PRPSAP1: variants seen among roughly 807,000 people sequenced by gnomAD.
PRPSAP1 encodes the protein phosphoribosyl pyrophosphate synthase-associated protein 1.
In PRPSAP1, 31 loss-of-function variants were observed where a neutral mutation model predicts 39.4. That is an observed-to-expected ratio of 0.79 (90% CI 0.59 to 1.06). The LOEUF (loss-of-function observed/expected upper bound fraction) is 1.06, where lower values mean the gene tolerates loss of function less well. Ranked by LOEUF, PRPSAP1 falls within the 50% of genes least tolerant of loss-of-function variation. The pLI, the probability that PRPSAP1 is intolerant of heterozygous loss-of-function variation, is 0.00. For synonymous variants in PRPSAP1, 212 were observed against 192.6 expected, an observed-to-expected ratio of 1.10 and a Z score of -0.83; for missense variants, 430 against 511.6, an observed-to-expected ratio of 0.84 and a Z score of 1.54.
intron 7 of PRPSAP1, among the ~76,000 whole-genome samples, chr17:76,321,809 G>C (rs1341626326): frequency 1.3e-5 from 2 of 152,092 alleles, no homozygotes; most frequent in Admixed American, 6.6e-5. Flanking sequence ...CAAAGGAAAA[G>C]TTCATGAAGG....
At chr17:76,320,080 G>A (rs1048758274) in intron 7 of PRPSAP1, among the ~76,000 whole-genome samples, 1 of 151,842 alleles carries the variant, frequency 6.6e-6, no homozygotes, top group Non-Finnish European at 1.5e-5. Context: ...GACCAGTCTG[G>A]CCAACATGGC....
intron 9 of PRPSAP1, 87 bp downstream of exon 9, chr17:76,312,783 T>G (rs916614789): frequency 6.7e-7 from 1 of 1,496,714 alleles, no homozygotes; most frequent in Non-Finnish European, 8.9e-7. Flanking sequence ...ATAGACAGAT[T>G]AAGCAATTTA....
Position 76,353,620 on chromosome 17 carries a change from C to T in PRPSAP1, c.84G>A (p.Pro28=). 6.4e-7 allele frequency: 1 copy of T among 1,552,406 alleles called. No homozygotes were observed. Among genetic ancestry groups the T allele is most frequent in the Non-Finnish European group, 8.7e-7 (1 of 1,154,804 alleles). The change falls in exon 1 of 10, where the codon CCG becomes CCA. Residue 28 remains proline (P), a synonymous_variant. Coordinates refer to ENST00000446526, the MANE Select transcript of PRPSAP1 (RefSeq NM_002766.3). ...RVPRARPVPP[P]AMNAARTGYR... is the part of the protein sequence containing the mutation. ...AGCCGGTGCGAGCGGCGTTCATGGCCGGCGGGGGAACGGGGCGGGCGCGCG... is the reference window on the plus strand; with the variant it reads ...AGCCGGTGCGAGCGGCGTTCATGGCTGGCGGGGGAACGGGGCGGGCGCGCG...
intron 7 of PRPSAP1, among the ~76,000 whole-genome samples, chr17:76,318,456 A>G (rs1439889475): frequency 3.9e-5 from 6 of 152,192 alleles, no homozygotes; most frequent in Admixed American, 3.9e-4. Flanking sequence ...TGAAAAAACA[A>G]GAATAGATTT....
intron 2 of PRPSAP1, among the ~76,000 whole-genome samples, chr17:76,347,050 C>T (rs756848582): frequency 2.6e-5 from 4 of 151,912 alleles, no homozygotes; most frequent in Non-Finnish European, 4.4e-5. Context: ...CTAGCCATGA[C>T]GAAGGAGAAA....
Position 76,309,700 on chromosome 17 carries a change from G to A in PRPSAP1, c.*1842C>T, listed in dbSNP as rs1383482609. On this transcript the variant is annotated 3_prime_UTR_variant, in exon 10 of 10. Transcript: ENST00000446526. The stretch of plus-strand genomic sequence containing the variant: ...ACCACCATCTACACAGGATATTGCA[G>A]TAGGTATTACAAGTCATCCAGGATG... The A allele has an allele frequency of 6.6e-6, 1 of 152,210 alleles. No individual in the cohort carries two copies. The highest frequency in any genetic ancestry group is 2.4e-5 in the African/African-American group (1 of 41,442). The allele number at this position is 152,210 out of a possible 1,614,324, so 9.4% of individuals were successfully genotyped here.
intron 8 of PRPSAP1, chr17:76,313,610 G>T: frequency 1.8e-6 from 1 of 544,126 alleles, no homozygotes; most frequent in Non-Finnish European, 3.3e-6. Context: ...TCTCACGGGA[G>T]TACTGTGCTC....
At position 76,330,580 on chromosome 17, in the gene PRPSAP1, G is replaced by T; in HGVS notation, c.550C>A (p.Pro184Thr). The T allele has an allele frequency of 6.2e-7, 1 of 1,610,900 alleles. No individual in the cohort carries two copies. Among genetic ancestry groups the T allele is most frequent in the Non-Finnish European group, 8.5e-7 (1 of 1,177,522 alleles). Reference protein sequence around the residue: ...SFPVDNLRASPFLLQYIQEEI... With the variant: ...SFPVDNLRASTFLLQYIQEEI... ...TCCTGGATATACTGAAGCAGGAAAG[G>T]TGAGGCTCTAAGGTTGTCCACAGGA... is the stretch of plus-strand genomic sequence containing the variant. Residue 184 changes from proline to threonine, a missense_variant, in exon 5 of 10, where the codon CCT (proline) becomes ACT (threonine). Physicochemically the swap from Pro to Thr is conservative, Grantham distance 38. Transcript: ENST00000446526.
intron 1 of PRPSAP1, among the ~76,000 whole-genome samples, chr17:76,351,901 C>T (rs1237645048): frequency 6.6e-6 from 1 of 152,062 alleles, no homozygotes; most frequent in African/African-American, 2.4e-5. Context: ...TAGGGTAAAT[C>T]TGAACCACTA....
At chr17:76,338,337 C>CA (rs1255464524) in intron 3 of PRPSAP1, among the ~76,000 whole-genome samples, 13 of 152,178 alleles carry the variant, frequency 8.5e-5, no homozygotes, top group African/African-American at 3.1e-4. Flanking sequence ...TTACTTTAGG[C>CA]AATGCCCCCT....
intron 3 of PRPSAP1, among the ~76,000 whole-genome samples, chr17:76,339,039 A>AAAATT (rs1203990521): frequency 6.6e-6 from 1 of 151,830 alleles, no homozygotes; most frequent in Non-Finnish European, 1.5e-5. Context: ...TCTCAAAAAA[A>AAAATT]AAATTAAATT....
At chr17:76,318,627 T>A (rs1479681291) in intron 7 of PRPSAP1, among the ~76,000 whole-genome samples, 1 of 152,190 alleles carries the variant, frequency 6.6e-6, no homozygotes, top group Non-Finnish European at 1.5e-5. Context: ...ATATTTAATT[T>A]GGGAGGTGCA....
At chr17:76,333,017 G>A (rs1340106916) in intron 3 of PRPSAP1, among the ~76,000 whole-genome samples, 8 of 150,988 alleles carry the variant, frequency 5.3e-5, no homozygotes, top group African/African-American at 9.7e-5. Context: ...TCAGCCTCCC[G>A]AGTAGCTGGG....
At chr17:76,344,611 A>G (rs2143539266) in intron 3 of PRPSAP1, 60 bp downstream of exon 3, 1 of 1,302,408 alleles carries the variant, frequency 7.7e-7, no homozygotes, top group East Asian at 2.3e-5. Flanking sequence ...ATATGAAAAG[A>G]TAATCAATTA....
intron 3 of PRPSAP1, among the ~76,000 whole-genome samples, chr17:76,341,225 CTTTTTTTTGT>C (rs2071433666): frequency 8.2e-6 from 1 of 122,120 alleles, no homozygotes; most frequent in Admixed American, 9.6e-5. Flanking sequence ...AACAATTTGA[CTTTTTTTTGT>C]TTTTTTTTTT....
chr17:76,350,064 G>A (rs1211069048), intron 1 of PRPSAP1, among the ~76,000 whole-genome samples: 1 of 146,846 alleles, frequency 6.8e-6, no homozygotes, highest in Non-Finnish European at 1.5e-5. Flanking sequence ...CAGCCTGGGT[G>A]ACTTTATCTC....
intron 7 of PRPSAP1, among the ~76,000 whole-genome samples, chr17:76,319,624 A>G (rs1008619886): frequency 6.6e-6 from 1 of 151,908 alleles, no homozygotes; most frequent in African/African-American, 2.4e-5. Flanking sequence ...GCCCGCCACC[A>G]TGCTCGGCTA....
chr17:76,326,783 C>T (rs1598525021), intron 7 of PRPSAP1, among the ~76,000 whole-genome samples: 1 of 152,294 alleles, frequency 6.6e-6, no homozygotes. Context: ...TGAGTAAGGT[C>T]TGTAGATTAC....
At chr17:76,345,829 G>A (rs916073245) in intron 2 of PRPSAP1, 8 of 373,272 alleles carry the variant, frequency 2.1e-5, no homozygotes, top group African/African-American at 4.3e-5. Flanking sequence ...GGCTGCTTTC[G>A]TTGCCACCAT....
Sources: gnomAD v4.1 joint callset for allele counts (sites outside exome capture counted in the v4.1 genomes callset) on GRCh38, gnomAD v4.1.1 for gene constraint, MANE v1.5 for transcripts, NCBI Gene and HGNC (gene_info 2026-07-23, HGNC 2026-07-21) for gene names.